The following STK3 variants were observed in gnomAD, a reference collection of about 807,000 sequenced individuals.
STK3 encodes the protein serine/threonine-protein kinase 3.
In STK3, 41 loss-of-function variants were observed where a neutral mutation model predicts 58.0. The ratio of observed to expected loss-of-function variants is 0.71; its 90% CI spans 0.55 to 0.92. The LOEUF (loss-of-function observed/expected upper bound fraction) is 0.92. STK3 is among the 40% of genes least tolerant of loss of function. The probability of loss-of-function intolerance (pLI) is 0.00; values close to 1 mark genes in which losing one functional copy is unlikely to be tolerated. For synonymous variants in STK3, 170 were observed against 191.0 expected, an observed-to-expected ratio of 0.89 and a Z score of 0.91; for missense variants, 479 against 602.7, an observed-to-expected ratio of 0.79 and a Z score of 2.15.
intron 6 of STK3, among the ~76,000 whole-genome samples, chr8:98,654,750 T>G (rs1424889659): frequency 6.6e-6 from 1 of 151,952 alleles, no homozygotes; most frequent in Non-Finnish European, 1.5e-5. Context: ...TCAAAGAGAA[T>G]AAAATACCTA....
At chr8:98,689,345 C>A (rs746265858) in intron 6 of STK3, among the ~76,000 whole-genome samples, 3 of 152,018 alleles carry the variant, frequency 2.0e-5, no homozygotes, top group Non-Finnish European at 2.9e-5. Context: ...TACAAAAAAT[C>A]GAAGAGGAGG....
At chr8:98,835,896 T>C (rs964559379) in intron 3 of STK3, among the ~76,000 whole-genome samples, 3 of 152,246 alleles carry the variant, frequency 2.0e-5, no homozygotes, top group South Asian at 2.1e-4. Context: ...TCATAAACTG[T>C]TGGCTTATAA....
chr8:98,788,209 G>A (rs1440290545), intron 1 of STK3, among the ~76,000 whole-genome samples: 1 of 152,060 alleles, frequency 6.6e-6, no homozygotes, highest in East Asian at 1.9e-4. Flanking sequence ...GGAGGCCGAG[G>A]CAGGCAGATC....
chr8:98,678,063 T>C (rs1470010133), intron 6 of STK3, among the ~76,000 whole-genome samples: 1 of 152,228 alleles, frequency 6.6e-6, no homozygotes, highest in Non-Finnish European at 1.5e-5. Context: ...TCAAAATGAT[T>C]GTACTGATAG....
chr8:98,376,588 T>G (rs1427899956), intron 2 of STK3, among the ~76,000 whole-genome samples: 2 of 152,238 alleles, frequency 1.3e-5, no homozygotes, highest in Non-Finnish European at 2.9e-5. Flanking sequence ...TAATTTTTGC[T>G]TAAGGGCTGA....
At chr8:98,822,462 C>T (rs1196107618) in intron 1 of STK3, among the ~76,000 whole-genome samples, 1 of 152,078 alleles carries the variant, frequency 6.6e-6, no homozygotes, top group African/African-American at 2.4e-5. Context: ...AAGGCGTGCA[C>T]CATCGCAGTA....
At chr8:98,763,888 T>C (rs1185311523) in intron 3 of STK3, among the ~76,000 whole-genome samples, 1 of 152,214 alleles carries the variant, frequency 6.6e-6, no homozygotes, top group East Asian at 1.9e-4. Context: ...TTGGCCAGGC[T>C]GGTGTTGAAC....
chr8:98,725,447 G>A (rs1194565083), intron 4 of STK3, among the ~76,000 whole-genome samples: 1 of 152,026 alleles, frequency 6.6e-6, no homozygotes, highest in Non-Finnish European at 1.5e-5. Context: ...TAATTAAAAG[G>A]AATGAAGCAG....
At chr8:98,810,586 C>CTATT (rs33996471) in intron 1 of STK3, among the ~76,000 whole-genome samples, 113,198 of 151,600 alleles carry the variant, frequency 0.75, 42,488 homozygotes, top group African/African-American at 0.83. Flanking sequence ...GGAGAAATCT[C>CTATT]TAAGTTCCTT....
chr8:98,851,979 T>C (rs1836486229), intron 3 of STK3, among the ~76,000 whole-genome samples: 1 of 151,844 alleles, frequency 6.6e-6, no homozygotes, highest in South Asian at 2.1e-4. Flanking sequence ...CAGAGTGAAA[T>C]CTGCTCTTAA....
intron 9 of STK3, among the ~76,000 whole-genome samples, chr8:98,544,649 AACACACACACACAC>A (rs59159370): frequency 4.9e-4 from 68 of 137,600 alleles, no homozygotes; most frequent in African/African-American, 1.2e-3. Flanking sequence ...ATTCTACTAT[AACACACACACACAC>A]ACACACACAC....
chr8:98,870,876 G>A (rs562409118), intron 3 of STK3, among the ~76,000 whole-genome samples: 20 of 152,256 alleles, frequency 1.3e-4, no homozygotes, highest in East Asian at 1.2e-3. Flanking sequence ...TTTGGCTTTC[G>A]TTGCCATTGC....
At chr8:98,500,783 C>T (rs1299019943) in intron 10 of STK3, among the ~76,000 whole-genome samples, 1 of 152,184 alleles carries the variant, frequency 6.6e-6, no homozygotes, top group Admixed American at 6.5e-5. Context: ...TGTATACGTG[C>T]CACATCTTTG....
In STK3 at chr8:98,428,894, C is replaced by G. The variant is rs771492184; in HGVS notation, n.483+5233G>C. Reference sequence around the variant, plus strand: ...TGAGGCTGATGCGGATCTTCCGCATCTTAAAGCTGGCCAGGCACTCCACTG... The same window carrying G: ...TGAGGCTGATGCGGATCTTCCGCATGTTAAAGCTGGCCAGGCACTCCACTG... On this transcript the variant is annotated intron_variant and non_coding_transcript_variant, in intron 3 of 3. Transcript: ENST00000517832. The surrounding 1 kb of genome is among the most constrained non-coding windows in gnomAD (Gnocchi z 6.7). 1.9e-6 allele frequency: 3 copies of G among 1,614,192 alleles called. No individual in the cohort carries two copies. Among genetic ancestry groups the G allele is most frequent in the South Asian group, 1.1e-5 (1 of 91,076 alleles).
intron 6 of STK3, among the ~76,000 whole-genome samples, chr8:98,653,881 C>G (rs987803816): frequency 6.6e-6 from 1 of 152,204 alleles, no homozygotes. Flanking sequence ...CAGAAGGATT[C>G]ACAGCCTAAT....
chr8:98,504,590 G>A (rs1249550997), intron 10 of STK3, among the ~76,000 whole-genome samples: 1 of 152,160 alleles, frequency 6.6e-6, no homozygotes, highest in Non-Finnish European at 1.5e-5. Flanking sequence ...GCCTGGTGGT[G>A]ACAAAATCTC....
intron 9 of STK3, among the ~76,000 whole-genome samples, chr8:98,545,311 C>T (rs1349794888): frequency 6.6e-6 from 1 of 152,158 alleles, no homozygotes; most frequent in Non-Finnish European, 1.5e-5. Context: ...CTTGGTGACA[C>T]AGCTGAAGCC....
At chr8:98,772,732 T>C (rs1831396850) in intron 2 of STK3, among the ~76,000 whole-genome samples, 1 of 152,002 alleles carries the variant, frequency 6.6e-6, no homozygotes, top group East Asian at 1.9e-4. Context: ...TAAAACTGCG[T>C]GGCACCTCCC....
intron 6 of STK3, among the ~76,000 whole-genome samples, chr8:98,693,667 T>C (rs562001165): frequency 6.6e-6 from 1 of 152,314 alleles, no homozygotes; most frequent in South Asian, 2.1e-4. Context: ...TTGCAAGGAA[T>C]CTTCCAACAG....
Sources: gnomAD v4.1 joint callset for allele counts (sites outside exome capture counted in the v4.1 genomes callset) on GRCh38, gnomAD v4.1.1 for gene constraint, Gnocchi (gnomAD v3.1) non-coding constraint, MANE v1.5 for transcripts, NCBI Gene and HGNC (gene_info 2026-07-23, HGNC 2026-07-21) for gene names.